NIPA1: variants seen among roughly 807,000 people sequenced by gnomAD.
NIPA1 encodes magnesium transporter NIPA1.
In NIPA1, 13 loss-of-function variants were observed where a neutral mutation model predicts 23.9. That is an observed-to-expected ratio of 0.54 (90% CI 0.35 to 0.87). The LOEUF (loss-of-function observed/expected upper bound fraction) is 0.87, where lower values mean the gene tolerates loss of function less well. Among genes scored for constraint, NIPA1 ranks in the 40% least tolerant of loss-of-function variants. NIPA1 has a pLI of 0.01. For synonymous variants in NIPA1, 234 were observed against 202.9 expected (o/e 1.15, Z -1.30); for missense variants, 362 against 429.7 (o/e 0.84, Z 1.39).
intron 1 of NIPA1, among the ~76,000 whole-genome samples, chr15:22,799,943 C>CAAAA (rs61174589): frequency 2.1e-4 from 10 of 47,002 alleles, no homozygotes; most frequent in Non-Finnish European, 3.7e-4. Context: ...GACCCTGTCT[C>CAAAA]AAAAAAAAAA....
At chr15:22,822,391 A>T (rs1230971779) in intron 4 of NIPA1, among the ~76,000 whole-genome samples, 1 of 152,024 alleles carries the variant, frequency 6.6e-6, no homozygotes, top group Admixed American at 6.6e-5. Context: ...TGCCCACTGG[A>T]TGCAGCCCCC....
intron 1 of NIPA1, among the ~76,000 whole-genome samples, chr15:22,807,560 C>A (rs777865923): frequency 6.6e-5 from 10 of 151,794 alleles, no homozygotes; most frequent in Non-Finnish European, 1.5e-4. Context: ...ACACCCCAGC[C>A]TGGGCAACAG....
chr15:22,787,346 C>G lies in NIPA1; in HGVS notation c.178+512C>G, dbSNP rs181913045. Among the ~76,000 whole-genome samples the G allele has an allele frequency of 1.7e-3, 260 of 152,320 alleles. 2 individuals are homozygous for G. The highest frequency in any genetic ancestry group is 3.1e-3 in the Admixed American group (47 of 15,302). On this transcript the variant is annotated intron_variant, in intron 1 of 4. Transcript: ENST00000337435. ...GAGCAAGACCTGGGATTTCCAGTCCCCCGCAGGGGCCTCGCTGGTGCAAAA... is the reference window on the plus strand; with the variant it reads ...GAGCAAGACCTGGGATTTCCAGTCCGCCGCAGGGGCCTCGCTGGTGCAAAA...
At chr15:22,819,123 G>A (rs1895482285) in intron 3 of NIPA1, among the ~76,000 whole-genome samples, 1 of 152,132 alleles carries the variant, frequency 6.6e-6, no homozygotes, top group African/African-American at 2.4e-5. Context: ...AGCTTCTTAA[G>A]AACAGGCTGT....
intron 1 of NIPA1, among the ~76,000 whole-genome samples, chr15:22,788,919 T>TAAAAAAAAAAAAAAAAAAAAAAAA (rs199860403): frequency 6.3e-5 from 5 of 78,812 alleles, no homozygotes; most frequent in African/African-American, 2.6e-4. Context: ...GGCTCTGTCT[T>TAAAAAAAAAAAAAAAAAAAAAAAA]AAAAAAAAAA....
In NIPA1 at chr15:22,820,385, T is replaced by G; in HGVS notation, c.390T>G (p.Cys130Trp). The change falls in exon 4 of 5, where the codon TGT (cysteine) becomes TGG (tryptophan). Residue 130 changes from cysteine (C) to tryptophan (W), a missense_variant. By Grantham distance (215) the Cys-to-Trp change is radical. This residue lies in a region of NIPA1 where 277 missense variants were observed against 372.0 expected (regional missense o/e 0.74). Transcript: ENST00000337435. ...GCAAGTTGGGGTGCCTGCTAAGCTG[T>G]GCAGGCTCCGTCGTGCTGATTATCC... The part of the protein sequence containing the change: ...ILGKLGCLLS[C>W]AGSVVLIIHS... The G allele has an allele frequency of 6.2e-7, 1 of 1,608,370 alleles. No individual in the cohort carries two copies. Among genetic ancestry groups the G allele is most frequent in the Non-Finnish European group, 8.5e-7 (1 of 1,174,634 alleles).
intron 1 of NIPA1, among the ~76,000 whole-genome samples, chr15:22,792,576 T>C (rs1267189599): frequency 6.6e-6 from 1 of 151,838 alleles, no homozygotes; most frequent in African/African-American, 2.4e-5. Context: ...GCCAGAATGG[T>C]CTCGATCTCC....
At position 22,813,751 on chromosome 15, in the gene NIPA1, C is replaced by T. The variant is rs1161969896; in HGVS notation, c.317+1498C>T. On this transcript the variant is annotated intron_variant, in intron 3 of 4. Coordinates refer to ENST00000337435, the MANE Select transcript of NIPA1 (RefSeq NM_144599.5). ...TAAATACCATGTTTTTCACATGCGACGCCTTGAGAATGTGTGTGTGGCACA... is the reference window on the plus strand; with the variant it reads ...TAAATACCATGTTTTTCACATGCGATGCCTTGAGAATGTGTGTGTGGCACA... 1.6e-5 allele frequency: 7 copies of T among 450,978 alleles called. No individual in the cohort carries two copies. In the East Asian group the frequency reaches 2.8e-4, roughly 18 times the overall value. The allele number at this position is 450,978 out of a possible 1,614,324, so 27.9% of individuals were successfully genotyped here. A position where few individuals can be genotyped will look rare whatever the true frequency, so the allele number is the denominator to read the frequency against.
At chr15:22,809,622 G>A (rs545822911) in intron 1 of NIPA1, among the ~76,000 whole-genome samples, 109 of 151,942 alleles carry the variant, frequency 7.2e-4, no homozygotes, top group African/African-American at 2.3e-3. Flanking sequence ...GCATGCTCCT[G>A]TAGTCTCAGC....
At chr15:22,789,310 A>C (rs1336325866) in intron 1 of NIPA1, among the ~76,000 whole-genome samples, 1 of 152,090 alleles carries the variant, frequency 6.6e-6, no homozygotes, top group Non-Finnish European at 1.5e-5. Context: ...TTTTAAATTG[A>C]TCAAAGTGAA....
chr15:22,791,313 C>T (rs1311275434), intron 1 of NIPA1, among the ~76,000 whole-genome samples: 1 of 151,956 alleles, frequency 6.6e-6, no homozygotes, highest in Non-Finnish European at 1.5e-5. Context: ...CGCATGTTCT[C>T]ACTTACAAGT....
intron 4 of NIPA1, among the ~76,000 whole-genome samples, chr15:22,821,171 T>C (rs918923030): frequency 2.0e-5 from 3 of 152,002 alleles, no homozygotes; most frequent in Admixed American, 6.6e-5. Flanking sequence ...TTCATCATGT[T>C]AGCCAGGATG....
intron 1 of NIPA1, among the ~76,000 whole-genome samples, chr15:22,802,787 A>G (rs1395641841): frequency 6.6e-6 from 1 of 152,010 alleles, no homozygotes; most frequent in Non-Finnish European, 1.5e-5. Context: ...CATGCTTCAT[A>G]TAAATGGAAT....
chr15:22,811,412 A>G (rs1369365561), intron 2 of NIPA1, among the ~76,000 whole-genome samples: 1 of 152,126 alleles, frequency 6.6e-6, no homozygotes, highest in Admixed American at 6.5e-5. Context: ...GTTCAAGACC[A>G]GCCTGGGAAA....
chr15:22,810,730 T>G lies in NIPA1; in HGVS notation c.179-19T>G. On this transcript the variant is annotated intron_variant, in intron 1 of 4. Coordinates refer to ENST00000337435, the MANE Select transcript of NIPA1 (RefSeq NM_144599.5). ...TGGTAAACCCACTTTTCTGACATTT[T>G]TTATCTCATTTTTTATAGGTACTTC... 1.9e-6 allele frequency: 3 copies of G among 1,570,598 alleles called. No homozygotes were observed. Among genetic ancestry groups the G allele is most frequent in the Non-Finnish European group, 2.6e-6 (3 of 1,140,054 alleles).
chr15:22,803,383 A>G (rs1425875077), intron 1 of NIPA1, among the ~76,000 whole-genome samples: 1 of 151,990 alleles, frequency 6.6e-6, no homozygotes, highest in Non-Finnish European at 1.5e-5. Flanking sequence ...ATACTCACAC[A>G]TATATACGCA....
chr15:22,818,273 C>A (rs1895466049), intron 3 of NIPA1, among the ~76,000 whole-genome samples: 1 of 151,120 alleles, frequency 6.6e-6, no homozygotes, highest in South Asian at 2.1e-4. Context: ...TCCGTCTCTA[C>A]TAAATACAAA....
intron 4 of NIPA1, among the ~76,000 whole-genome samples, chr15:22,823,152 C>T (rs887601142): frequency 6.6e-6 from 1 of 150,932 alleles, no homozygotes; most frequent in South Asian, 2.1e-4. Context: ...ATCTCCTGAT[C>T]GGCCCACCTC....
chr15:22,811,029 C>G (rs918246034), intron 2 of NIPA1: 1 of 563,310 alleles, frequency 1.8e-6, no homozygotes, highest in South Asian at 2.0e-5. Context: ...AAGTTAGGAG[C>G]TGGTGGAGGC....
Sources: allele counts gnomAD v4.1 joint callset (sites outside exome capture counted in the v4.1 genomes callset), GRCh38; gene constraint gnomAD v4.1.1; regional missense constraint gnomAD v4.1.1; transcripts MANE v1.5; gene names NCBI Gene and HGNC (gene_info 2026-07-23, HGNC 2026-07-21).